Variants in CUX2 observed in about 807,000 individuals in gnomAD.
CUX2 encodes homeobox protein cut-like 2.
A neutral mutation model predicts 144.8 loss-of-function variants in CUX2; 40 were observed. The observed-to-expected ratio is 0.28, with a 90% confidence interval of 0.21 to 0.36. The LOEUF (loss-of-function observed/expected upper bound fraction) is 0.36. Among genes scored for constraint, CUX2 ranks in the 10% least tolerant of loss-of-function variants. The pLI, the probability that CUX2 is intolerant of heterozygous loss-of-function variation, is 1.00. For synonymous variants in CUX2, 827 were observed against 875.6 expected (o/e 0.94, Z 0.98); for missense variants, 1,615 against 1,994.0 (o/e 0.81, Z 3.62).
chr12:111,334,848 C>A (rs1461203204), intron 19 of CUX2, 138 bp downstream of exon 19: 1 of 951,758 alleles, frequency 1.1e-6, no homozygotes, highest in East Asian at 2.7e-5. Context: ...GAGGGAGGAT[C>A]GCTTGAGGCC....
intron 3 of CUX2, among the ~76,000 whole-genome samples, chr12:111,230,099 T>G (rs1000059510): frequency 6.7e-5 from 10 of 148,904 alleles, no homozygotes; most frequent in South Asian, 2.1e-4. Context: ...GCTGCAACAG[T>G]GAGCCATTAT....
chr12:111,273,065 C>T (rs570583759), intron 4 of CUX2, among the ~76,000 whole-genome samples: 41 of 152,260 alleles, frequency 2.7e-4, no homozygotes, highest in African/African-American at 9.1e-4. Context: ...AAGCTCAAGT[C>T]CAGGCCTGCC....
At chr12:111,189,922 C>T (rs1310152653) in intron 1 of CUX2, among the ~76,000 whole-genome samples, 1 of 152,134 alleles carries the variant, frequency 6.6e-6, no homozygotes, top group African/African-American at 2.4e-5. Context: ...AAGTAGTTTT[C>T]CCAGATACTG....
chr12:111,298,150 C>G (rs1344438), intron 8 of CUX2, among the ~76,000 whole-genome samples: 65,489 of 152,094 alleles, frequency 0.43, 18,726 homozygotes, highest in East Asian at 0.89. Flanking sequence ...TGGCAGCCTG[C>G]AGGGGGCTGG....
At chr12:111,338,146 G>A (rs570120079) in intron 19 of CUX2, 140 bp from the exon 20 acceptor site, 34 of 864,826 alleles carry the variant, frequency 3.9e-5, no homozygotes, top group African/African-American at 3.5e-4. Context: ...GTCCTCCGCC[G>A]TCTCTGGCCC....
At position 111,039,079 on chromosome 12, in the gene CUX2, A is replaced by G. The variant is rs1375806089; in HGVS notation, c.63+4839A>G. ...ACGTGAGCACCTTGGCTAGTGCTAAATATATGGTCCTGGATGATGGTAGAC... is the reference window on the plus strand; with the variant it reads ...ACGTGAGCACCTTGGCTAGTGCTAAGTATATGGTCCTGGATGATGGTAGAC... On this transcript the variant is annotated intron_variant, in intron 1 of 21. Coordinates refer to ENST00000261726, the MANE Select transcript of CUX2 (RefSeq NM_015267.4). This position sits in a 1 kb window ranked among gnomAD's most constrained non-coding sequence, Gnocchi z 4.2. Among the ~76,000 whole-genome samples the G allele has an allele frequency of 6.6e-6, 1 of 152,032 alleles. No individual in the cohort carries two copies. The highest frequency in any genetic ancestry group is 2.4e-5 in the African/African-American group (1 of 41,380).
intron 1 of CUX2, among the ~76,000 whole-genome samples, chr12:111,161,895 C>T (rs1040211536): frequency 5.3e-5 from 8 of 152,238 alleles, no homozygotes; most frequent in South Asian, 2.1e-4. Flanking sequence ...CAAACATACC[C>T]GGCTGATTTT....
chr12:111,158,001 G>T (rs1373285231), intron 1 of CUX2, among the ~76,000 whole-genome samples: 1 of 152,176 alleles, frequency 6.6e-6, no homozygotes, highest in East Asian at 1.9e-4. Context: ...ACCCTCAGAA[G>T]ATGTAAAAAT....
At chr12:111,280,513 T>G (rs910876098) in intron 4 of CUX2, among the ~76,000 whole-genome samples, 14 of 152,196 alleles carry the variant, frequency 9.2e-5, no homozygotes, top group African/African-American at 2.7e-4. Flanking sequence ...CAGATTCCTC[T>G]GGCTGCTGTG....
intron 1 of CUX2, among the ~76,000 whole-genome samples, chr12:111,115,876 A>C (rs1283035890): frequency 3.3e-5 from 5 of 152,234 alleles, no homozygotes; most frequent in Non-Finnish European, 7.3e-5. Flanking sequence ...TTCACAGACT[A>C]GCACACAGTA....
In CUX2 at chr12:111,291,459, A is replaced by G. The variant is rs1256992541; in HGVS notation, c.343A>G (p.Arg115Gly). Reference sequence around the variant, plus strand: ...TGAGGCGGCACGCAGCCTAGACGACAGACTGCAGCCCCCCAGCTTTGACCC... The same window carrying G: ...TGAGGCGGCACGCAGCCTAGACGACGGACTGCAGCCCCCCAGCTTTGACCC... The part of the protein sequence containing the change: ...VFEAARSLDD[R>G]LQPPSFDPSG... Residue 115 changes from arginine to glycine, a missense_variant, in exon 5 of 22, where the codon AGA (arginine) becomes GGA (glycine). This residue lies in a region of CUX2 where 295 missense variants were observed against 400.2 expected (regional missense o/e 0.74). Transcript: ENST00000261726. The G allele has an allele frequency of 6.2e-7, 1 of 1,612,674 alleles. No individual in the cohort carries two copies. Among genetic ancestry groups the G allele is most frequent in the Non-Finnish European group, 8.5e-7 (1 of 1,179,400 alleles).
Position 111,312,283 on chromosome 12 carries a change from C to T in CUX2, c.2002+82C>T. 1 of 1,271,560 alleles carries T rather than the reference C, an allele frequency of 7.9e-7. No homozygotes were observed. The highest frequency in any genetic ancestry group is 1.1e-6 in the Non-Finnish European group (1 of 905,222). 78.8% of individuals were successfully genotyped at this position (1,271,560 alleles called of 1,614,324 possible). A position where few individuals can be genotyped will look rare whatever the true frequency, so the allele number is the denominator to read the frequency against. ...AGATGAGGCTTCGTCTACCTTTGTC[C>T]ACCCCAGAGGGAATCCAAGGTGGAT... is the stretch of plus-strand genomic sequence containing the variant. On this transcript the variant is annotated intron_variant, in intron 16 of 21. Transcript: ENST00000261726. The surrounding 1 kb of genome is among the most constrained non-coding windows in gnomAD (Gnocchi z 4.3).
chr12:111,278,246 A>G (rs1281671029), intron 4 of CUX2, among the ~76,000 whole-genome samples: 2 of 152,174 alleles, frequency 1.3e-5, no homozygotes, highest in African/African-American at 2.4e-5. Context: ...GTAAGACCCC[A>G]TCTCTACAAA....
chr12:111,232,220 T>C (rs1882505433), intron 3 of CUX2, among the ~76,000 whole-genome samples: 1 of 149,428 alleles, frequency 6.7e-6, no homozygotes, highest in Admixed American at 6.7e-5. Flanking sequence ...AAAATATATA[T>C]ATATATACAG....
intron 1 of CUX2, among the ~76,000 whole-genome samples, chr12:111,041,202 G>T (rs192834254): frequency 5.9e-5 from 9 of 152,180 alleles, no homozygotes; most frequent in Non-Finnish European, 1.2e-4. Context: ...AATAGTCTCC[G>T]CCTTCTAGGT....
chr12:111,259,031 C>CTGTGTGTGTGTGTGTGTGTGTG (rs57814010), intron 3 of CUX2, among the ~76,000 whole-genome samples: 1 of 132,218 alleles, frequency 7.6e-6, no homozygotes, highest in South Asian at 2.8e-4. Flanking sequence ...CCACACCCAG[C>CTGTGTGTGTGTGTGTGTGTGTG]TGTGTGTGTG....
intron 4 of CUX2, among the ~76,000 whole-genome samples, chr12:111,279,933 G>A (rs922253480): frequency 7.9e-5 from 12 of 152,118 alleles, no homozygotes; most frequent in African/African-American, 2.9e-4. Context: ...AGTGAGCCGA[G>A]ATTGCGCCAC....
intron 1 of CUX2, among the ~76,000 whole-genome samples, chr12:111,172,561 G>A (rs1008378038): frequency 4.6e-5 from 7 of 152,340 alleles, no homozygotes; most frequent in Admixed American, 2.6e-4. Flanking sequence ...GGGGGACTCC[G>A]GGAGGGTGGT....
chr12:111,332,126 A>G (rs1592978857), intron 18 of CUX2, among the ~76,000 whole-genome samples: 1 of 128,724 alleles, frequency 7.8e-6, no homozygotes, highest in African/African-American at 3.1e-5. Flanking sequence ...AAATCTGTCT[A>G]CCTTTTTTTT....
Sources: allele counts gnomAD v4.1 joint callset (sites outside exome capture counted in the v4.1 genomes callset), GRCh38; gene constraint gnomAD v4.1.1; regional missense constraint gnomAD v4.1.1; non-coding constraint Gnocchi (gnomAD v3.1); transcripts MANE v1.5; gene names NCBI Gene and HGNC (gene_info 2026-07-23, HGNC 2026-07-21).